Variants in ITGA2 observed in about 807,000 individuals in gnomAD.
ITGA2 encodes integrin alpha-2.
ITGA2 carries 101 observed loss-of-function variants against 146.3 expected under a neutral mutation model. The observed-to-expected ratio is 0.69, with a 90% confidence interval of 0.59 to 0.81. The LOEUF is 0.81. Among genes scored for constraint, ITGA2 ranks in the 40% least tolerant of loss-of-function variants. ITGA2 has a pLI of 0.00. For missense variants in ITGA2, 1,281 were observed against 1,402.7 expected, an observed-to-expected ratio of 0.91 and a Z score of 1.39; for synonymous variants, 477 against 487.1, an observed-to-expected ratio of 0.98 and a Z score of 0.27.
chr5:53,081,646 T>C lies in ITGA2; in HGVS notation c.3094T>C (p.Ser1032Pro). 1 of 1,612,790 alleles carries C rather than the reference T, an allele frequency of 6.2e-7. No homozygotes were observed. The highest frequency in any genetic ancestry group is 8.5e-7 in the Non-Finnish European group (1 of 1,179,226). ...CAATCCACTGAAAATAGGACAAACA[T>C]CTTCTTCTGTATCTTTCAAAAGTGA... ...DINPLKIGQT[S>P]SSVSFKSENF... Residue 1032 changes from serine to proline, a missense_variant, in exon 26 of 30, where the codon TCT becomes CCT. Around this residue, in one of 3 missense-constraint regions of ITGA2, gnomAD observed 475 missense variants for 530.5 expected, o/e 0.90. Transcript: ENST00000296585.
At chr5:53,088,405 G>C (rs1740218591) in intron 28 of ITGA2, among the ~76,000 whole-genome samples, 1 of 152,130 alleles carries the variant, frequency 6.6e-6, no homozygotes, top group Non-Finnish European at 1.5e-5. Context: ...GTAAAGAAAG[G>C]CTGGGCACAG....
chr5:53,060,667 A>G (rs1223253510), intron 11 of ITGA2, among the ~76,000 whole-genome samples: 1 of 151,918 alleles, frequency 6.6e-6, no homozygotes, highest in Non-Finnish European at 1.5e-5. Context: ...TGGAATCTAG[A>G]GGCAGTTTTA....
intron 2 of ITGA2, among the ~76,000 whole-genome samples, chr5:53,038,820 G>A (rs1743630991): frequency 6.6e-6 from 1 of 152,196 alleles, no homozygotes; most frequent in Non-Finnish European, 1.5e-5. Flanking sequence ...GCCAGGCACA[G>A]TGGCTCACAC....
At chr5:52,990,419 T>C (rs1169750279) in intron 1 of ITGA2, 2 of 152,284 alleles carry the variant, frequency 1.3e-5, no homozygotes, top group South Asian at 2.1e-4. Context: ...GAGTACTTTT[T>C]CCCTGACCAT....
Position 53,048,478 on chromosome 5 carries a change from G to A in ITGA2, c.502+1G>A, listed in dbSNP as rs748653916. The A allele has an allele frequency of 1.9e-5, 30 of 1,613,542 alleles. No individual in the cohort carries two copies. Among genetic ancestry groups the A allele is most frequent in the African/African-American group, 5.3e-5 (4 of 74,892 alleles). ...GCCAGCTTCTCACCTGCAACTCAGCGTAAGTTATTAATGTGCAGATGGTCT... is the reference window on the plus strand; with the variant it reads ...GCCAGCTTCTCACCTGCAACTCAGCATAAGTTATTAATGTGCAGATGGTCT... On this transcript the variant is annotated splice_donor_variant, in intron 5 of 29. Transcript: ENST00000296585. LOFTEE classifies it high-confidence loss of function.
In ITGA2 at chr5:53,090,836, A is replaced by T. The variant is rs907615852; in HGVS notation, c.*237A>T. On this transcript the variant is annotated 3_prime_UTR_variant, in exon 30 of 30. Transcript: ENST00000296585. ...AAATACCTATTTTATATGATGGGGGAAAAAAAGTAATCTTTAAACTGGCTG... is the reference window on the plus strand; with the variant it reads ...AAATACCTATTTTATATGATGGGGGTAAAAAAGTAATCTTTAAACTGGCTG... 3 of 598,758 alleles carry T rather than the reference A, an allele frequency of 5.0e-6. No individual in the cohort carries two copies. Among genetic ancestry groups the T allele is most frequent in the Non-Finnish European group, 8.9e-6 (3 of 336,600 alleles). The allele number at this position is 598,758 out of a possible 1,614,324, so 37.1% of individuals were successfully genotyped here.
intron 1 of ITGA2, among the ~76,000 whole-genome samples, chr5:53,024,051 A>G (rs1742814908): frequency 6.6e-6 from 1 of 152,246 alleles, no homozygotes; most frequent in Non-Finnish European, 1.5e-5. Flanking sequence ...CAGATCATTT[A>G]TGAATAGAAA....
intron 2 of ITGA2, among the ~76,000 whole-genome samples, chr5:53,040,913 A>G (rs1464235998): frequency 1.3e-5 from 2 of 152,120 alleles, no homozygotes; most frequent in African/African-American, 4.8e-5. Flanking sequence ...TAGATCATAT[A>G]TTCCAGGTCA....
chr5:53,047,359 G>A (rs3212475), intron 4 of ITGA2, among the ~76,000 whole-genome samples: 11,265 of 152,008 alleles, frequency 0.074, 582 homozygotes, highest in East Asian at 0.17. Context: ...AATGTTTCTT[G>A]TGTCATTTAA....
chr5:53,073,966 A>C (rs6867341), intron 20 of ITGA2, among the ~76,000 whole-genome samples: 1 of 148,306 alleles, frequency 6.7e-6, no homozygotes. Flanking sequence ...AAAAAAAAAA[A>C]CCCTCAAATT....
At chr5:53,067,387 C>T in intron 16 of ITGA2, 130 bp downstream of exon 16, 6 of 931,552 alleles carry the variant, frequency 6.4e-6, no homozygotes, top group Non-Finnish European at 8.4e-6. Context: ...AGTTTCCTTA[C>T]ACTGGAGATG....
chr5:53,001,556 T>C (rs1056420178), intron 1 of ITGA2, among the ~76,000 whole-genome samples: 1 of 152,134 alleles, frequency 6.6e-6, no homozygotes, highest in African/African-American at 2.4e-5. Flanking sequence ...CACTGTCCTC[T>C]AGCAAGACAA....
intron 2 of ITGA2, among the ~76,000 whole-genome samples, chr5:53,029,721 G>C (rs918723543): frequency 2.6e-5 from 4 of 152,188 alleles, no homozygotes; most frequent in African/African-American, 9.7e-5. Context: ...CAGGGACACT[G>C]TTTTGTTGAC....
chr5:53,003,980 G>T (rs559030782), intron 1 of ITGA2, among the ~76,000 whole-genome samples: 14 of 152,178 alleles, frequency 9.2e-5, no homozygotes, highest in African/African-American at 2.7e-4. Flanking sequence ...TTTGGGCATG[G>T]ATATTATTGA....
In ITGA2 at chr5:53,070,266, G is replaced by T. The variant is rs1745328524; in HGVS notation, c.2235+6G>T. 5.6e-6 allele frequency: 9 copies of T among 1,611,338 alleles called. No individual in the cohort carries two copies. Among genetic ancestry groups the T allele is most frequent in the Non-Finnish European group, 7.6e-6 (9 of 1,178,162 alleles). On this transcript the variant is annotated splice_donor_region_variant and intron_variant, in intron 17 of 29. Transcript: ENST00000296585. ...AGCACATCATTTATATACAGGTAAG[G>T]CCTCAGGAACATCCCTTTTGACTTT... is the stretch of plus-strand genomic sequence containing the variant.
intron 2 of ITGA2, among the ~76,000 whole-genome samples, chr5:53,033,917 C>T (rs1743363047): frequency 6.6e-6 from 1 of 152,032 alleles, no homozygotes; most frequent in Non-Finnish European, 1.5e-5. Flanking sequence ...GCGCCCACCA[C>T]CATGCCTGGC....
At chr5:52,994,155 A>T (rs1490028206) in intron 1 of ITGA2, among the ~76,000 whole-genome samples, 1 of 152,214 alleles carries the variant, frequency 6.6e-6, no homozygotes, top group Non-Finnish European at 1.5e-5. Flanking sequence ...TAATATTCTT[A>T]TAAGGTATCT....
chr5:53,020,708 G>C (rs1312058747), intron 1 of ITGA2, among the ~76,000 whole-genome samples: 1 of 150,930 alleles, frequency 6.6e-6, no homozygotes, highest in Non-Finnish European at 1.5e-5. Context: ...GTGAGGTGGA[G>C]TTTCACTCTG....
chr5:53,020,215 C>A (rs1742607985), intron 1 of ITGA2, among the ~76,000 whole-genome samples: 1 of 151,948 alleles, frequency 6.6e-6, no homozygotes, highest in Non-Finnish European at 1.5e-5. Context: ...TGTATAAATT[C>A]ATTAGTTTTG....
Sources: allele counts gnomAD v4.1 joint callset (sites outside exome capture counted in the v4.1 genomes callset), GRCh38; gene constraint gnomAD v4.1.1; regional missense constraint gnomAD v4.1.1; transcripts MANE v1.5; gene names NCBI Gene and HGNC (gene_info 2026-07-23, HGNC 2026-07-21).